The following THAP2 variants were observed in gnomAD, a reference collection of about 807,000 sequenced individuals.
The protein encoded by THAP2 is THAP domain-containing protein 2.
Under a neutral mutation model 18.8 loss-of-function variants are expected in THAP2, and 16 were observed. That is an observed-to-expected ratio of 0.85 (90% CI 0.58 to 1.29). THAP2 has a LOEUF of 1.29. Among genes scored for constraint, THAP2 ranks in the 50% most tolerant of loss-of-function variants. The pLI is 0.00. For synonymous variants in THAP2, 80 were observed against 89.2 expected, an observed-to-expected ratio of 0.90 and a Z score of 0.58; for missense variants, 251 against 265.3, an observed-to-expected ratio of 0.95 and a Z score of 0.38.
chr12:71,674,768 A>T (rs917002140), intron 2 of THAP2, among the ~76,000 whole-genome samples: 1 of 152,110 alleles, frequency 6.6e-6, no homozygotes, highest in Non-Finnish European at 1.5e-5. Flanking sequence ...CCAGAATTAA[A>T]CCAAAGAATG....
At chr12:71,669,342 T>C (rs1881394942) in intron 1 of THAP2, among the ~76,000 whole-genome samples, 1 of 152,218 alleles carries the variant, frequency 6.6e-6, no homozygotes, top group Non-Finnish European at 1.5e-5. Flanking sequence ...TTTGGTCAAC[T>C]TAAGATTTGA....
rs1225037581 is a variant in THAP2 at position 71,677,009 on chromosome 12, C to A, written c.588C>A (p.Ser196Arg). The A allele has an allele frequency of 1.2e-6, 2 of 1,613,550 alleles. No homozygotes were observed. Among genetic ancestry groups the A allele is most frequent in the Non-Finnish European group, 1.7e-6 (2 of 1,179,582 alleles). Residue 196 changes from serine (S) to arginine (R), a missense_variant, in exon 3 of 3, where the codon AGC becomes AGA. Physicochemically the swap from Ser to Arg is moderately radical, Grantham distance 110 (BLOSUM62 -1). Coordinates refer to ENST00000308086, the MANE Select transcript of THAP2 (RefSeq NM_031435.4). ...TSEHMLPTAL[S>R]SLPLEDFKIL... The stretch of plus-strand genomic sequence containing the variant: ...AACACATGTTACCAACTGCCTTAAG[C>A]AGTCTTCCTTTGGAAGATTTTAAGA...
chr12:71,673,258 T>G (rs548467612), intron 1 of THAP2, among the ~76,000 whole-genome samples: 1 of 152,298 alleles, frequency 6.6e-6, no homozygotes, highest in Middle Eastern at 3.4e-3. Context: ...CTACATATAT[T>G]TTATGTATTA....
In THAP2 at chr12:71,679,680, A is replaced by T. The variant is rs1881572190; in HGVS notation, c.*2572A>T. The stretch of plus-strand genomic sequence containing the variant: ...AGAAACAAGTAATATTTATAATACA[A>T]TATGATAAATGCTACAAAAGAAATA... On this transcript the variant is annotated 3_prime_UTR_variant, in exon 3 of 3. Transcript: ENST00000308086. The T allele has an allele frequency of 6.6e-6, 1 of 152,200 alleles. No homozygotes were observed. 9.4% of individuals were successfully genotyped at this position (152,200 alleles called of 1,614,324 possible). A position where few individuals can be genotyped will look rare whatever the true frequency, so the allele number is the denominator to read the frequency against.
chr12:71,668,158 C>G (rs895283458), intron 1 of THAP2, among the ~76,000 whole-genome samples: 3 of 152,116 alleles, frequency 2.0e-5, no homozygotes, highest in Non-Finnish European at 4.4e-5. Flanking sequence ...AGCATTGTTT[C>G]ATAACACTAT....
rs78346704 is a variant in THAP2, at chr12:71,671,780, G to A, written c.72-2423G>A. 6.3e-3 allele frequency among the ~76,000 whole-genome samples: 959 copies of A among 152,208 alleles called. 5 individuals are homozygous for A. The highest frequency in any genetic ancestry group is 0.016 in the African/African-American group (685 of 41,524). On this transcript the variant is annotated intron_variant, in intron 1 of 2. Coordinates refer to ENST00000308086, the MANE Select transcript of THAP2 (RefSeq NM_031435.4). ...TGATCCTTAAAACTTCTGACCCTCT[G>A]ATCTAGAAGTTGAATTAAAGACATT... is the stretch of plus-strand genomic sequence containing the variant.
rs1171683342 is a variant in THAP2, at chr12:71,664,486, G to C, written c.-24G>C. On this transcript the variant is annotated 5_prime_UTR_variant, in exon 1 of 3. Transcript: ENST00000308086. ...CCAGCGCCTCAGTAGAGACCTAAGG[G>C]CGCTGAATGAGTGGGAAAGGGAAAT... 22 of 1,613,978 alleles carry C rather than the reference G, an allele frequency of 1.4e-5. No homozygotes were observed. The highest frequency in any genetic ancestry group is 3.3e-5 in the Admixed American group (2 of 60,008).
At chr12:71,670,807 C>T (rs1347647454) in intron 1 of THAP2, among the ~76,000 whole-genome samples, 2 of 151,540 alleles carry the variant, frequency 1.3e-5, no homozygotes, top group East Asian at 1.9e-4. Context: ...TGCGTGGTGG[C>T]AGGCGCCTGT....
At chr12:71,670,874 G>A (rs1307396946) in intron 1 of THAP2, among the ~76,000 whole-genome samples, 1 of 150,712 alleles carries the variant, frequency 6.6e-6, no homozygotes, top group Non-Finnish European at 1.5e-5. Context: ...GGGAGGTGGA[G>A]GTTGCAGGGA....
intron 1 of THAP2, among the ~76,000 whole-genome samples, chr12:71,666,729 T>C (rs1487182852): frequency 1.3e-5 from 2 of 152,094 alleles, no homozygotes; most frequent in Admixed American, 1.3e-4. Flanking sequence ...TAGTAGACTT[T>C]TTTTTCTTTT....
Position 71,664,613 on chromosome 12 carries a change from CTG to C in THAP2, c.71+34_71+35del, listed in dbSNP as rs1186394895. ...GGGCAGGGAGTGGGGGTGACGGAAA[CTG>C]GAGTTCCTATTGTGGCTATCGCTTG... On this transcript the variant is annotated intron_variant, in intron 1 of 2. Transcript: ENST00000308086. The C allele has an allele frequency of 6.2e-6, 10 of 1,611,256 alleles. No individual in the cohort carries two copies. The Admixed American group carries it at 1.0e-4, about 16-fold the overall frequency.
rs1282389564 is a variant in THAP2, at chr12:71,664,829, G to A, written c.71+249G>A. On this transcript the variant is annotated intron_variant, in intron 1 of 2. Transcript: ENST00000308086. ...ACCCCTTAGTAAAAAAAAGTAACAG[G>A]AGGATATCGTAATTTTCTACTGTTT... The A allele has an allele frequency of 4.3e-6, 3 of 704,068 alleles. No individual in the cohort carries two copies. In the Admixed American group the frequency reaches 6.0e-5, roughly 14 times the overall value. 43.6% of individuals were successfully genotyped at this position (704,068 alleles called of 1,614,324 possible). A position where few individuals can be genotyped will look rare whatever the true frequency, so the allele number is the denominator to read the frequency against.
chr12:71,672,950 C>T (rs1397434508), intron 1 of THAP2, among the ~76,000 whole-genome samples: 3 of 152,124 alleles, frequency 2.0e-5, no homozygotes, highest in South Asian at 2.1e-4. Context: ...AGATAATTAG[C>T]ATCACATGGC....
rs1464288591 is a variant in THAP2 at position 71,676,800 on chromosome 12, G to T, written c.379G>T (p.Ala127Ser). 1.2e-6 allele frequency: 2 copies of T among 1,613,560 alleles called. No individual in the cohort carries two copies. Among genetic ancestry groups the T allele is most frequent in the Non-Finnish European group, 1.7e-6 (2 of 1,179,616 alleles). Residue 127 changes from alanine to serine, a missense_variant, in exon 3 of 3, where the codon GCC (alanine) becomes TCC (serine). Transcript: ENST00000308086. ...SQQVLLEHSY[A>S]FRNPMEAKKR... ...GCAAGTACTACTTGAACACAGCTAT[G>T]CCTTTAGGAATCCTATGGAGGCAAA... is the stretch of plus-strand genomic sequence containing the variant.
intron 1 of THAP2, among the ~76,000 whole-genome samples, chr12:71,672,046 G>C (rs902306415): frequency 6.6e-6 from 1 of 152,156 alleles, no homozygotes; most frequent in African/African-American, 2.4e-5. Flanking sequence ...GGTTTAGCAG[G>C]TTTGTAGATA....
At chr12:71,676,141 TC>T (rs1435123358) in intron 2 of THAP2, among the ~76,000 whole-genome samples, 3 of 152,068 alleles carry the variant, frequency 2.0e-5, no homozygotes, top group Non-Finnish European at 2.9e-5. Flanking sequence ...TGGCAAATGT[TC>T]CTAGCCAGAT....
Position 71,677,332 on chromosome 12 carries a change from C to A in THAP2, c.*224C>A. ...TAGAATTACGGACTTAAAAATTTTG[C>A]TAATAAATTGTGTGTTTGAAAGGTG... is the stretch of plus-strand genomic sequence containing the variant. On this transcript the variant is annotated 3_prime_UTR_variant, in exon 3 of 3. Coordinates refer to ENST00000308086, the MANE Select transcript of THAP2 (RefSeq NM_031435.4). The A allele has an allele frequency of 2.8e-6, 1 of 357,060 alleles. No homozygotes were observed. Among genetic ancestry groups the A allele is most frequent in the Non-Finnish European group, 4.8e-6 (1 of 207,174 alleles). 22.1% of individuals were successfully genotyped at this position (357,060 alleles called of 1,614,324 possible).
At chr12:71,672,469 T>G (rs1441753779) in intron 1 of THAP2, among the ~76,000 whole-genome samples, 3 of 152,178 alleles carry the variant, frequency 2.0e-5, no homozygotes. Flanking sequence ...TAAAAAATTT[T>G]CTTTCTAAAA....
intron 1 of THAP2, chr12:71,664,854 T>C (rs906306524): frequency 1.4e-6 from 1 of 702,928 alleles, no homozygotes; most frequent in East Asian, 2.7e-5. Flanking sequence ...TTCTACTGTT[T>C]TATTCCTCTG....
Sources: gnomAD v4.1 joint callset for allele counts (sites outside exome capture counted in the v4.1 genomes callset) on GRCh38, gnomAD v4.1.1 for gene constraint, MANE v1.5 for transcripts, NCBI Gene and HGNC (gene_info 2026-07-23, HGNC 2026-07-21) for gene names.